Variants in SLC25A13 observed in about 807,000 individuals in gnomAD.
SLC25A13 encodes the protein solute carrier family 25 member 13, also known as electrogenic aspartate/glutamate antiporter SLC25A13, mitochondrial.
Under a neutral mutation model 85.5 loss-of-function variants are expected in SLC25A13, and 70 were observed. The ratio of observed to expected loss-of-function variants is 0.82; its 90% confidence interval spans 0.68 to 1.00. SLC25A13 has a LOEUF of 1.00. Among genes scored for constraint, SLC25A13 ranks in the 50% least tolerant of loss-of-function variants. SLC25A13 has a pLI of 0.00. For missense variants in SLC25A13, 765 were observed against 819.8 expected, an observed-to-expected ratio of 0.93 and a Z score of 0.82; for synonymous variants, 259 against 288.7, an observed-to-expected ratio of 0.90 and a Z score of 1.04.
chr7:96,193,072 C>T lies in SLC25A13; in HGVS notation c.580G>A (p.Val194Ile), dbSNP rs369939105. 18 of 1,613,896 alleles carry T rather than the reference C, an allele frequency of 1.1e-5. No homozygotes were observed. The highest frequency in any genetic ancestry group is 2.7e-5 in the African/African-American group (2 of 74,872). ...CATTCTTCTACAAAAGGAGTCAAGACATGGGGGCGGATGGTGACCATGATG... is the reference window on the plus strand; with the variant it reads ...CATTCTTCTACAAAAGGAGTCAAGATATGGGGGCGGATGGTGACCATGATG... The part of the protein sequence containing the change: ...RDIMVTIRPH[V>I]LTPFVEECLV... Residue 194 changes from valine (V) to isoleucine (I), a missense_variant, in exon 6 of 18, where the codon GTC becomes ATC. By Grantham distance (29) the Val-to-Ile change is conservative. Transcript: ENST00000265631.
intron 1 of SLC25A13, among the ~76,000 whole-genome samples, chr7:96,319,424 C>A (rs1235351687): frequency 6.6e-6 from 1 of 151,662 alleles, no homozygotes; most frequent in African/African-American, 2.4e-5. Flanking sequence ...TGCCTGTAGT[C>A]CCAGATACTT....
intron 1 of SLC25A13, among the ~76,000 whole-genome samples, chr7:96,313,881 T>G (rs1277036313): frequency 6.6e-6 from 1 of 152,158 alleles, no homozygotes; most frequent in African/African-American, 2.4e-5. Flanking sequence ...TCTCAAAAGG[T>G]GCAGCATTAG....
intron 14 of SLC25A13, among the ~76,000 whole-genome samples, chr7:96,135,940 G>A (rs924286324): frequency 6.8e-6 from 1 of 146,672 alleles, no homozygotes; most frequent in Admixed American, 7.0e-5. Flanking sequence ...AATTTCCTCA[G>A]TATATACTAT....
rs184831842 is a variant in SLC25A13 at position 96,150,200 on chromosome 7, A to G, written c.1312-3504T>C. ...GAGAGAAAGAGAAATGCATACAATT[A>G]TTATAGACTCACTTCTGCTATTTGA... On this transcript the variant is annotated intron_variant, in intron 13 of 17. Coordinates refer to ENST00000265631, the MANE Select transcript of SLC25A13 (RefSeq NM_014251.3). 3.4e-4 allele frequency among the ~76,000 whole-genome samples: 51 copies of G among 152,058 alleles called. No homozygotes were observed. The East Asian group carries it at 5.0e-3, about 15-fold the overall frequency.
chr7:96,205,885 ACATGGTGG>A (rs1795440993), intron 5 of SLC25A13, among the ~76,000 whole-genome samples: 1 of 152,142 alleles, frequency 6.6e-6, no homozygotes, highest in Non-Finnish European at 1.5e-5. Context: ...CCTCACAGCC[ACATGGTGG>A]TTTCTAAGAA....
intron 4 of SLC25A13, among the ~76,000 whole-genome samples, chr7:96,227,666 C>A (rs1465646186): frequency 6.6e-6 from 1 of 152,116 alleles, no homozygotes; most frequent in African/African-American, 2.4e-5. Flanking sequence ...AAGAAAAGAA[C>A]CATCTTTTTA....
At chr7:96,234,245 C>T (rs1229000947) in intron 4 of SLC25A13, among the ~76,000 whole-genome samples, 3 of 152,114 alleles carry the variant, frequency 2.0e-5, no homozygotes, top group Non-Finnish European at 4.4e-5. Context: ...ATGTTTGTGC[C>T]TTGCAAAATA....
At chr7:96,141,859 C>T (rs909826256) in intron 14 of SLC25A13, among the ~76,000 whole-genome samples, 1 of 152,184 alleles carries the variant, frequency 6.6e-6, no homozygotes, top group Admixed American at 6.5e-5. Context: ...GTGCACATGT[C>T]CTTTGACCTA....
At chr7:96,199,823 G>C (rs1308928499) in intron 5 of SLC25A13, among the ~76,000 whole-genome samples, 1 of 151,926 alleles carries the variant, frequency 6.6e-6, no homozygotes, top group Admixed American at 6.6e-5. Context: ...ACATATATAG[G>C]GGTTACACTA....
At chr7:96,314,632 G>A (rs780982102) in intron 1 of SLC25A13, among the ~76,000 whole-genome samples, 3 of 152,086 alleles carry the variant, frequency 2.0e-5, no homozygotes, top group East Asian at 3.9e-4. Context: ...AGGAGGAAGC[G>A]CTCAGCAGGA....
intron 15 of SLC25A13, among the ~76,000 whole-genome samples, chr7:96,125,179 C>T (rs1562777408): frequency 6.6e-6 from 1 of 152,132 alleles, no homozygotes; most frequent in Non-Finnish European, 1.5e-5. Flanking sequence ...ACCTCCGCCT[C>T]CCAGGCTCAA....
rs1163698023 is a variant in SLC25A13 at position 96,248,559 on chromosome 7, G to GT, written c.213-13643_213-13642insA. ...TAAGAAAGAAACAGCCACACAAAAT[G>GT]GTGCAACTTGGACTTAGGTACCATG... is the stretch of plus-strand genomic sequence containing the variant. On this transcript the variant is annotated intron_variant, in intron 3 of 17. Coordinates refer to ENST00000265631, the MANE Select transcript of SLC25A13 (RefSeq NM_014251.3). Among the ~76,000 whole-genome samples, 8 of 152,166 alleles carry GT rather than the reference G, an allele frequency of 5.3e-5. No homozygotes were observed. In the East Asian group the frequency reaches 1.5e-3, roughly 29 times the overall value.
intron 3 of SLC25A13, among the ~76,000 whole-genome samples, chr7:96,255,229 T>C (rs1038383830): frequency 2.6e-5 from 4 of 152,238 alleles, no homozygotes; most frequent in Non-Finnish European, 4.4e-5. Context: ...ATCCTACACA[T>C]GGCAAATATG....
intron 4 of SLC25A13, among the ~76,000 whole-genome samples, chr7:96,218,058 A>G (rs936125489): frequency 1.3e-5 from 2 of 152,170 alleles, no homozygotes; most frequent in African/African-American, 4.8e-5. Flanking sequence ...TGACTAGTAC[A>G]ATGTTCTAAA....
chr7:96,138,509 C>A (rs1033854729), intron 14 of SLC25A13, among the ~76,000 whole-genome samples: 1 of 151,656 alleles, frequency 6.6e-6, no homozygotes, highest in Non-Finnish European at 1.5e-5. Flanking sequence ...GCTCTTCCCC[C>A]CTCAGCCTCC....
At chr7:96,295,562 A>G (rs1228528721) in intron 2 of SLC25A13, among the ~76,000 whole-genome samples, 1 of 152,194 alleles carries the variant, frequency 6.6e-6, no homozygotes, top group Non-Finnish European at 1.5e-5. Flanking sequence ...TCTAAAACAT[A>G]GACTCTATAT....
chr7:96,228,847 C>T (rs1205082374), intron 4 of SLC25A13, among the ~76,000 whole-genome samples: 1 of 152,228 alleles, frequency 6.6e-6, no homozygotes, highest in African/African-American at 2.4e-5. Flanking sequence ...GGGCTTAGCA[C>T]CTATGCCAGC....
At chr7:96,289,701 T>C (rs1157183042) in intron 2 of SLC25A13, among the ~76,000 whole-genome samples, 1 of 151,678 alleles carries the variant, frequency 6.6e-6, no homozygotes, top group African/African-American at 2.4e-5. Context: ...AGAAGAGAAG[T>C]TTAGAGAAAA....
At chr7:96,196,487 C>A (rs1795067611) in intron 5 of SLC25A13, among the ~76,000 whole-genome samples, 1 of 152,196 alleles carries the variant, frequency 6.6e-6, no homozygotes. Flanking sequence ...GGAATGGATG[C>A]CAAGGTGGGG....
Sources: gnomAD v4.1 joint callset for allele counts (sites outside exome capture counted in the v4.1 genomes callset) on GRCh38, gnomAD v4.1.1 for gene constraint, MANE v1.5 for transcripts, NCBI Gene and HGNC (gene_info 2026-07-23, HGNC 2026-07-21) for gene names.